MTUS1: variants seen among roughly 807,000 people sequenced by gnomAD.
MTUS1 encodes microtubule-associated tumor suppressor 1.
MTUS1 carries 109 observed loss-of-function variants against 120.8 expected under a neutral mutation model. The ratio of observed to expected loss-of-function variants is 0.90; its 90% CI spans 0.77 to 1.06. MTUS1 has a LOEUF of 1.06. Ranked by LOEUF, MTUS1 falls within the 50% of genes least tolerant of loss-of-function variation. MTUS1 has a pLI of 0.00. For synonymous variants in MTUS1, 737 were observed against 550.5 expected, an observed-to-expected ratio of 1.34 and a Z score of -4.74; for missense variants, 2,210 against 1,486.3, an observed-to-expected ratio of 1.49 and a Z score of -8.01.
At chr8:17,717,346 A>G (rs202011666) in intron 4 of MTUS1, among the ~76,000 whole-genome samples, 3 of 152,168 alleles carry the variant, frequency 2.0e-5, no homozygotes, top group Non-Finnish European at 2.9e-5. Context: ...TATTAAAGAC[A>G]CCGCCATTAC....
rs377015927 is a variant in MTUS1 at position 17,710,700 on chromosome 8, G to A, written c.2623+2514C>T. Among the ~76,000 whole-genome samples, 13 of 152,236 alleles carry A rather than the reference G, an allele frequency of 8.5e-5. No homozygotes were observed. The South Asian group carries it at 2.5e-3, about 29-fold the overall frequency. ...CATCTAGAAGAGCAAACCCTTTTCAGAAGGTTTTCAACTGACTTTGCCCCG... is the reference window on the plus strand; with the variant it reads ...CATCTAGAAGAGCAAACCCTTTTCAAAAGGTTTTCAACTGACTTTGCCCCG... On this transcript the variant is annotated intron_variant, in intron 6 of 14. Coordinates refer to ENST00000693296, the MANE Select transcript of MTUS1 (RefSeq NM_001363059.2).
Position 17,646,068 on chromosome 8 carries a change from G to C in MTUS1, c.3671C>G (p.Ser1224Cys), listed in dbSNP as rs752744675. 1 of 1,613,530 alleles carries C rather than the reference G, an allele frequency of 6.2e-7. No homozygotes were observed. Among genetic ancestry groups the C allele is most frequent in the Non-Finnish European group, 8.5e-7 (1 of 1,179,852 alleles). The change falls in exon 15 of 15, where the codon TCT becomes TGT. Residue 1224 changes from serine to cysteine, a missense_variant. Transcript: ENST00000693296. The stretch of plus-strand genomic sequence containing the variant: ...CCACAGAAGCTCCTCGTTTTCCATA[G>C]AGAGTCGCTTGTTGACTTTCGACTC... ...EKESKVNKRL[S>C]MENEELLWKL...
At chr8:17,801,364 G>T (rs2052665545), upstream of MTUS1, 1 of 151,772 alleles carries the variant, frequency 6.6e-6, no homozygotes, top group Non-Finnish European at 1.5e-5. Context: ...GGCTCCTTCC[G>T]AAGGCTCCAC....
Position 17,649,852 on chromosome 8 carries a change from C to G in MTUS1, c.3495G>C (p.Glu1165Asp), listed in dbSNP as rs1806602423. 6.5e-7 allele frequency: 1 copy of G among 1,542,538 alleles called. No individual in the cohort carries two copies. The highest frequency in any genetic ancestry group is 9.0e-7 in the Non-Finnish European group (1 of 1,115,430). ...HQQDIKLMKM[E>D]KLVDNNTALV... ...CATTCTGAAGGAAACATACCAGTTT[C>G]TCCATTTTCATTAACTTGATGTCCT... The change falls in exon 13 of 15, where the codon GAG becomes GAC. Residue 1165 changes from glutamate (E) to aspartate (D), a missense_variant. Coordinates refer to ENST00000693296, the MANE Select transcript of MTUS1 (RefSeq NM_001363059.2).
intron 4 of MTUS1, chr8:17,722,200 T>G: frequency 9.7e-7 from 1 of 1,033,858 alleles, no homozygotes; most frequent in Non-Finnish European, 1.2e-6. Flanking sequence ...ACAGCCTCCT[T>G]AGGAGCATCA....
chr8:17,653,395 G>C lies in MTUS1; in HGVS notation c.3288+30C>G, dbSNP rs1402537791. On this transcript the variant is annotated intron_variant, in intron 11 of 14. Coordinates refer to ENST00000693296, the MANE Select transcript of MTUS1 (RefSeq NM_001363059.2). ...ATCAAAAATGATATTTTTTTTTGTG[G>C]GGGATACTGGGATATTGACATTCAC... 3.9e-6 allele frequency: 6 copies of C among 1,547,470 alleles called. No homozygotes were observed. The African/African-American group carries it at 7.0e-5, about 18-fold the overall frequency.
intron 1 of MTUS1, among the ~76,000 whole-genome samples, chr8:17,794,707 T>C (rs1204800116): frequency 6.6e-6 from 1 of 152,212 alleles, no homozygotes; most frequent in African/African-American, 2.4e-5. Context: ...TGATTAACAG[T>C]ATAGCAGTTT....
rs769353482 is a variant in MTUS1 at position 17,646,007 on chromosome 8, T to A, written c.3732A>T (p.Arg1244Ser). 4 of 1,613,324 alleles carry A rather than the reference T, an allele frequency of 2.5e-6. No individual in the cohort carries two copies. The African/African-American group carries it at 4.0e-5, about 16-fold the overall frequency. ...AAGGGATGGCGGAGGATGTGGGGGA[T>A]CTCTTGGGGCTACACAGGTCCCCAT... ...LHNGDLCSPK[R>S]SPTSSAIPLQ... Residue 1244 changes from arginine (R) to serine (S), a missense_variant, in exon 15 of 15, where the codon AGA becomes AGT. Coordinates refer to ENST00000693296, the MANE Select transcript of MTUS1 (RefSeq NM_001363059.2).
intron 6 of MTUS1, chr8:17,697,664 A>G: frequency 8.7e-7 from 1 of 1,147,856 alleles, no homozygotes; most frequent in Non-Finnish European, 1.1e-6. Context: ...GAACCACATC[A>G]CACTGTGCAT....
chr8:17,716,167 C>T (rs1373404056), intron 4 of MTUS1, among the ~76,000 whole-genome samples: 2 of 152,144 alleles, frequency 1.3e-5, no homozygotes, highest in Admixed American at 6.5e-5. Flanking sequence ...AGCTTTCATC[C>T]CAGATAAGAG....
intron 7 of MTUS1, among the ~76,000 whole-genome samples, chr8:17,676,698 A>C (rs926676491): frequency 6.6e-6 from 1 of 152,184 alleles, no homozygotes; most frequent in Admixed American, 6.5e-5. Context: ...AGTTATTTTT[A>C]GACTTGTGAG....
intron 3 of MTUS1, 112 bp downstream of exon 3, chr8:17,743,492 T>C (rs1240401853): frequency 1.0e-6 from 1 of 1,002,432 alleles, no homozygotes; most frequent in Non-Finnish European, 1.5e-6. Context: ...CTCAGGATGC[T>C]GATCCACAAA....
At chr8:17,676,784 A>C (rs1343419261) in intron 7 of MTUS1, among the ~76,000 whole-genome samples, 1 of 152,142 alleles carries the variant, frequency 6.6e-6, no homozygotes, top group African/African-American at 2.4e-5. Context: ...TTGTTCTTCG[A>C]AGCCCATATA....
At chr8:17,757,641 C>T (rs1173264452) in intron 1 of MTUS1, among the ~76,000 whole-genome samples, 3 of 152,178 alleles carry the variant, frequency 2.0e-5, no homozygotes, top group African/African-American at 7.2e-5. Flanking sequence ...ATCTTCCTGC[C>T]TCAGCCTCCT....
intron 1 of MTUS1, among the ~76,000 whole-genome samples, chr8:17,770,775 T>G (rs1193720794): frequency 6.6e-6 from 1 of 152,202 alleles, no homozygotes; most frequent in East Asian, 1.9e-4. Context: ...GGCAGAAAAC[T>G]TGTACGCAGA....
chr8:17,678,772 A>G (rs1320359218), intron 7 of MTUS1, among the ~76,000 whole-genome samples: 4 of 145,150 alleles, frequency 2.8e-5, no homozygotes, highest in African/African-American at 7.5e-5. Context: ...AAAGATGTGG[A>G]GGCATTTTGA....
chr8:17,756,559 G>T (rs932268027), intron 1 of MTUS1, among the ~76,000 whole-genome samples: 6 of 151,676 alleles, frequency 4.0e-5, no homozygotes, highest in Non-Finnish European at 8.8e-5. Context: ...AAAAATTGTC[G>T]ATTCTTAAAG....
chr8:17,674,402 G>C (rs76779353), intron 8 of MTUS1: 37,417 of 924,510 alleles, frequency 0.04, 1,241 homozygotes, highest in East Asian at 0.23. Flanking sequence ...TCTGGTGACA[G>C]AGCAAGATTC....
intron 7 of MTUS1, among the ~76,000 whole-genome samples, chr8:17,682,428 G>C (rs1025961936): frequency 6.8e-6 from 1 of 146,998 alleles, no homozygotes; most frequent in African/African-American, 2.5e-5. Context: ...TGAGGAAGGA[G>C]AATCACTTGA....
Sources: gnomAD v4.1 joint callset for allele counts (sites outside exome capture counted in the v4.1 genomes callset) on GRCh38, gnomAD v4.1.1 for gene constraint, MANE v1.5 for transcripts, NCBI Gene and HGNC (gene_info 2026-07-23, HGNC 2026-07-21) for gene names.